The following SLC38A11 variants were observed in gnomAD, a reference collection of about 807,000 sequenced individuals.
SLC38A11 encodes the protein solute carrier family 38 member 11.
In SLC38A11, 51 loss-of-function variants were observed where a neutral mutation model predicts 49.4. The ratio of observed to expected loss-of-function variants is 1.03; its 90% CI spans 0.83 to 1.30. SLC38A11 has a LOEUF of 1.30. Among genes scored for constraint, SLC38A11 ranks in the 50% most tolerant of loss-of-function variants. The probability of loss-of-function intolerance (pLI) is 0.00; values close to 1 mark genes in which losing one functional copy is unlikely to be tolerated. For synonymous variants in SLC38A11, 203 were observed against 192.9 expected (o/e 1.05, Z -0.43); for missense variants, 574 against 556.2 (o/e 1.03, Z -0.32).
intron 7 of SLC38A11, among the ~76,000 whole-genome samples, chr2:164,916,487 T>C (rs1357154080): frequency 3.9e-5 from 6 of 152,156 alleles, no homozygotes; most frequent in Non-Finnish European, 8.8e-5. Context: ...CTGTGTTATC[T>C]CATTTAATTT....
chr2:164,925,093 C>T (rs1686477571), intron 7 of SLC38A11, among the ~76,000 whole-genome samples: 1 of 152,210 alleles, frequency 6.6e-6, no homozygotes, highest in Admixed American at 6.5e-5. Flanking sequence ...GCTAGCCCAG[C>T]TTGGCACCAT....
chr2:164,949,239 A>T (rs1293465212), intron 3 of SLC38A11, among the ~76,000 whole-genome samples: 1 of 151,740 alleles, frequency 6.6e-6, no homozygotes, highest in African/African-American at 2.4e-5. Context: ...TTATTTATTT[A>T]ATTTAATTAA....
intron 11 of SLC38A11, among the ~76,000 whole-genome samples, chr2:164,904,370 C>T (rs1684852735): frequency 6.6e-6 from 1 of 151,840 alleles, no homozygotes; most frequent in South Asian, 2.1e-4. Context: ...TGTGTGTTTG[C>T]TTTGGAAAAA....
chr2:164,902,585 T>C (rs890414371), intron 11 of SLC38A11, among the ~76,000 whole-genome samples: 19 of 152,302 alleles, frequency 1.2e-4, no homozygotes, highest in South Asian at 4.1e-4. Context: ...ATTATTTTGG[T>C]AAATTTTCTC....
intron 7 of SLC38A11, among the ~76,000 whole-genome samples, chr2:164,926,037 T>G (rs1686555416): frequency 6.6e-6 from 1 of 152,158 alleles, no homozygotes; most frequent in Non-Finnish European, 1.5e-5. Context: ...TACTTGAGCT[T>G]CTCCTCCTCT....
Position 164,915,184 on chromosome 2 carries a change from T to C in SLC38A11, c.778A>G (p.Ile260Val). 2 of 1,612,484 alleles carry C rather than the reference T, an allele frequency of 1.2e-6. No homozygotes were observed. The highest frequency in any genetic ancestry group is 1.1e-5 in the South Asian group (1 of 90,912). Reference sequence around the variant, plus strand: ...ATACAGATAAATACAGAAATCACGATGGACATATGGATAAGGCGGGACCAC... The same window carrying C: ...ATACAGATAAATACAGAAATCACGACGGACATATGGATAAGGCGGGACCAC... ...AKWSRLIHMS[I>V]VISVFICIFF... Residue 260 changes from isoleucine to valine, a missense_variant, in exon 9 of 12, where the codon ATC (isoleucine) becomes GTC (valine). Transcript: ENST00000685975.
At chr2:164,920,042 G>C (rs1040941256) in intron 7 of SLC38A11, among the ~76,000 whole-genome samples, 4 of 152,138 alleles carry the variant, frequency 2.6e-5, no homozygotes, top group Admixed American at 1.3e-4. Context: ...TTGAGAGACT[G>C]AGGGAGGTGG....
intron 11 of SLC38A11, among the ~76,000 whole-genome samples, chr2:164,901,502 G>A (rs1244369344): frequency 6.6e-6 from 1 of 151,818 alleles, no homozygotes; most frequent in Non-Finnish European, 1.5e-5. Context: ...TTATTCCAGA[G>A]TATTTTTTGA....
At chr2:164,953,981 A>T (rs1688688120) in intron 2 of SLC38A11, among the ~76,000 whole-genome samples, 1 of 152,136 alleles carries the variant, frequency 6.6e-6, no homozygotes, top group Non-Finnish European at 1.5e-5. Flanking sequence ...TTCTAATACA[A>T]TGGAAAAATC....
At chr2:164,941,958 G>A (rs1218225764) in intron 5 of SLC38A11, among the ~76,000 whole-genome samples, 1 of 152,004 alleles carries the variant, frequency 6.6e-6, no homozygotes, top group Non-Finnish European at 1.5e-5. Flanking sequence ...GAAAAAGGAA[G>A]GAAGGAAGAG....
chr2:164,912,721 A>C (rs1340104381), intron 9 of SLC38A11, among the ~76,000 whole-genome samples: 1 of 152,032 alleles, frequency 6.6e-6, no homozygotes, highest in African/African-American at 2.4e-5. Flanking sequence ...AAGAACATTA[A>C]ATTTAATAAG....
chr2:164,903,616 C>A (rs955073395), intron 11 of SLC38A11, among the ~76,000 whole-genome samples: 1 of 152,082 alleles, frequency 6.6e-6, no homozygotes, highest in Non-Finnish European at 1.5e-5. Flanking sequence ...ATGAATTAGT[C>A]GAGCTGATTT....
chr2:164,934,459 C>A (rs868550806), intron 7 of SLC38A11, among the ~76,000 whole-genome samples: 6 of 152,154 alleles, frequency 3.9e-5, no homozygotes, highest in Middle Eastern at 3.4e-3. Context: ...AATCCAATTG[C>A]CTGGCCCCTA....
In SLC38A11 at chr2:164,894,872, G is replaced by T. The variant is rs1475476539; in HGVS notation, c.*3565C>A. On this transcript the variant is annotated 3_prime_UTR_variant, in exon 12 of 12. Transcript: ENST00000685975. ...TCTCCAGCCTCATTTTCTTCCCTGA[G>T]ATCTAGCATGGTATTCCTACATCTT... Among the ~76,000 whole-genome samples, 2 of 152,070 alleles carry T rather than the reference G, an allele frequency of 1.3e-5. No homozygotes were observed. Among genetic ancestry groups the T allele is most frequent in the Non-Finnish European group, 2.9e-5 (2 of 68,010 alleles).
At chr2:164,953,514 C>G (rs993294631) in intron 2 of SLC38A11, among the ~76,000 whole-genome samples, 1 of 152,112 alleles carries the variant, frequency 6.6e-6, no homozygotes, top group African/African-American at 2.4e-5. Context: ...GGAATTAGCT[C>G]TAGAATTCTT....
chr2:164,898,526 G>C lies in SLC38A11; in HGVS notation c.1300C>G (p.Pro434Ala). Residue 434 changes from proline (P) to alanine (A), a missense_variant, in exon 12 of 12, where the codon CCT (proline) becomes GCT (alanine). By Grantham distance (27) the Pro-to-Ala change is conservative. Transcript: ENST00000685975. Reference protein sequence around the residue: ...THGQEMFYCFPDNFSLTNTSE... With the variant: ...THGQEMFYCFADNFSLTNTSE... ...GTATTTGTGAGAGAGAAATTGTCAGGAAAGCAGTAGAACATTTCCTGCCCA... is the reference window on the plus strand; with the variant it reads ...GTATTTGTGAGAGAGAAATTGTCAGCAAAGCAGTAGAACATTTCCTGCCCA... 6.2e-7 allele frequency: 1 copy of C among 1,613,524 alleles called. No individual in the cohort carries two copies. Among genetic ancestry groups the C allele is most frequent in the Non-Finnish European group, 8.5e-7 (1 of 1,179,676 alleles).
Position 164,937,373 on chromosome 2 carries a change from C to T in SLC38A11, c.594G>A (p.Arg198=), listed in dbSNP as rs143997426. ...TTLILGIVMA[R]AISLGPHIPK... is the part of the protein sequence containing the mutation. ...ACATGTGTGGACCCAGTGAAATTGC[C>T]CTTGCCATTACAATTCCAAGAATCA... Residue 198 remains arginine, a synonymous_variant, in exon 7 of 12, where the codon AGG becomes AGA. Coordinates refer to ENST00000685975, the MANE Select transcript of SLC38A11 (RefSeq NM_001351537.2). 18,770 of 1,611,100 alleles carry T rather than the reference C, an allele frequency of 0.012. 149 individuals are homozygous for T. Among genetic ancestry groups the T allele is most frequent in the Non-Finnish European group, 0.013 (14,913 of 1,177,720 alleles).
intron 7 of SLC38A11, among the ~76,000 whole-genome samples, chr2:164,927,778 C>T (rs914714358): frequency 1.7e-4 from 26 of 152,144 alleles, no homozygotes; most frequent in Admixed American, 5.9e-4. Context: ...GGCTAAGGAC[C>T]CTTCCTCTGT....
chr2:164,920,572 A>C (rs1433674523), intron 7 of SLC38A11, among the ~76,000 whole-genome samples: 1 of 152,124 alleles, frequency 6.6e-6, no homozygotes, highest in Non-Finnish European at 1.5e-5. Flanking sequence ...ATGAAAACGA[A>C]ACTGGATACT....
Sources: gnomAD v4.1 joint callset for allele counts (sites outside exome capture counted in the v4.1 genomes callset) on GRCh38, gnomAD v4.1.1 for gene constraint, MANE v1.5 for transcripts, NCBI Gene and HGNC (gene_info 2026-07-23, HGNC 2026-07-21) for gene names.